The following GPHN variants were observed in gnomAD, a reference collection of about 807,000 sequenced individuals.
The protein encoded by GPHN is gephyrin.
In GPHN, 17 loss-of-function variants were observed where a neutral mutation model predicts 95.5. The ratio of observed to expected loss-of-function variants is 0.18; its 90% CI spans 0.12 to 0.27. The LOEUF is 0.27. Ranked by LOEUF, GPHN falls within the 10% of genes least tolerant of loss-of-function variation. The pLI, the probability that GPHN is intolerant of heterozygous loss-of-function variation, is 1.00. For synonymous variants in GPHN, 320 were observed against 322.5 expected (o/e 0.99, Z 0.08); for missense variants, 660 against 978.1 (o/e 0.67, Z 4.34).
intron 2 of GPHN, among the ~76,000 whole-genome samples, chr14:66,708,646 A>T (rs1180019260): frequency 6.6e-6 from 1 of 152,160 alleles, no homozygotes; most frequent in Non-Finnish European, 1.5e-5. Flanking sequence ...CTAGAGCAGT[A>T]ATTTACTGAG....
chr14:67,305,124 T>A, the GPHN span, among the ~76,000 whole-genome samples: 5 of 152,334 alleles, frequency 3.3e-5, no homozygotes, highest in South Asian at 1.0e-3. Context: ...GTTCCCTGTA[T>A]CTCTTCTGTG....
chr14:67,480,852 A>G, the GPHN span, among the ~76,000 whole-genome samples: 4 of 152,176 alleles, frequency 2.6e-5, no homozygotes, highest in Admixed American at 1.3e-4. Context: ...CCGGTTTCCC[A>G]GCTGGTAACA....
chr14:67,630,740 A>T, the GPHN span, among the ~76,000 whole-genome samples: 1 of 152,116 alleles, frequency 6.6e-6, no homozygotes, highest in East Asian at 1.9e-4. Context: ...CACTGTGCCC[A>T]GCTAATTTTT....
At chr14:67,409,036 G>A in the GPHN span, among the ~76,000 whole-genome samples, 3 of 149,624 alleles carry the variant, frequency 2.0e-5, no homozygotes, top group Non-Finnish European at 3.0e-5. Flanking sequence ...GCAACATGGT[G>A]AGACATTGTC....
At chr14:67,601,081 T>C in the GPHN span, among the ~76,000 whole-genome samples, 1 of 152,072 alleles carries the variant, frequency 6.6e-6, no homozygotes, top group East Asian at 1.9e-4. Flanking sequence ...GGAGACAATA[T>C]GGAAATAAGA....
intron 8 of GPHN, among the ~76,000 whole-genome samples, chr14:66,928,423 C>G (rs77921603): frequency 0.049 from 7,439 of 152,036 alleles, 847 homozygotes; most frequent in East Asian, 0.42. Context: ...CTCTTTTCTT[C>G]TTTGGCTAAA....
At chr14:67,108,517 C>A (rs575742301) in intron 13 of GPHN, among the ~76,000 whole-genome samples, 1 of 152,156 alleles carries the variant, frequency 6.6e-6, no homozygotes, top group Non-Finnish European at 1.5e-5. Context: ...GGCTTATATT[C>A]TGTAATATAT....
the GPHN span, among the ~76,000 whole-genome samples, chr14:67,606,631 T>C: frequency 6.6e-6 from 1 of 152,244 alleles, no homozygotes; most frequent in Admixed American, 6.5e-5. Context: ...CCCTGGTTTT[T>C]GTTGTTGTTG....
At chr14:67,578,462 T>A in the GPHN span, 3 of 1,103,446 alleles carry the variant, frequency 2.7e-6, no homozygotes, top group African/African-American at 3.1e-5. The surrounding 1 kb of genome is among the most constrained non-coding windows in gnomAD (Gnocchi z 5.0). Context: ...GAAGGCTCTG[T>A]AGCTCAGGGC....
At chr14:67,474,910 CCTT>C in the GPHN span, among the ~76,000 whole-genome samples, 1 of 139,014 alleles carries the variant, frequency 7.2e-6, no homozygotes, top group Non-Finnish European at 1.5e-5. Context: ...GTCAGAATTT[CCTT>C]CTTTTTTTTT....
In GPHN at chr14:67,023,659, G is replaced by A. The variant is rs1300734190; in HGVS notation, c.990G>A (p.Glu330=). The change falls in exon 10 of 23, where the codon GAG becomes GAA. Residue 330 remains glutamate, a synonymous_variant. Coordinates refer to ENST00000478722, the MANE Select transcript of GPHN (RefSeq NM_020806.5). ...TCCAGTCCAGGTGCAGCAGCAAGGAGAACATTCTCAGAGCCAGTAAGTATT... is the reference window on the plus strand; with the variant it reads ...TCCAGTCCAGGTGCAGCAGCAAGGAAAACATTCTCAGAGCCAGTAAGTATT... The part of the protein sequence containing the change: ...PKVQSRCSSK[E]NILRASHSAV... 1 of 1,613,230 alleles carries A rather than the reference G, an allele frequency of 6.2e-7. No homozygotes were observed. The highest frequency in any genetic ancestry group is 2.2e-5 in the East Asian group (1 of 44,876).
intron 9 of GPHN, among the ~76,000 whole-genome samples, chr14:66,988,172 G>T (rs145997871): frequency 0.019 from 2,916 of 151,962 alleles, 38 homozygotes; most frequent in Middle Eastern, 0.034. Context: ...ATGAAATAAA[G>T]ATTAAATTAG....
chr14:66,949,346 C>T (rs1165120029), intron 8 of GPHN, among the ~76,000 whole-genome samples: 1 of 152,138 alleles, frequency 6.6e-6, no homozygotes, highest in Non-Finnish European at 1.5e-5. Flanking sequence ...GATCTGCCTG[C>T]CTTGACCTCC....
chr14:67,504,213 T>C, the GPHN span, among the ~76,000 whole-genome samples: 1 of 151,574 alleles, frequency 6.6e-6, no homozygotes, highest in Admixed American at 6.6e-5. Flanking sequence ...GAGGTTTCAC[T>C]GTGTTGGCCA....
chr14:67,317,278 C>T, the GPHN span: 5 of 734,512 alleles, frequency 6.8e-6, no homozygotes, highest in African/African-American at 3.7e-5. Flanking sequence ...GCGTGGCCAA[C>T]ATATGGAGAT....
the GPHN span, among the ~76,000 whole-genome samples, chr14:67,728,421 T>A: frequency 6.6e-6 from 1 of 152,146 alleles, no homozygotes; most frequent in African/African-American, 2.4e-5. Context: ...CCAAGGAAGG[T>A]TCCTAGCTGA....
intron 1 of GPHN, among the ~76,000 whole-genome samples, chr14:66,675,494 A>G (rs2066536422): frequency 6.6e-6 from 1 of 152,070 alleles, no homozygotes; most frequent in Admixed American, 6.6e-5. Context: ...TGAGTTCCAT[A>G]TATATTCTGG....
At chr14:67,645,297 C>T in the GPHN span, among the ~76,000 whole-genome samples, 7 of 151,958 alleles carry the variant, frequency 4.6e-5, no homozygotes, top group Non-Finnish European at 8.8e-5. Flanking sequence ...TACAGGTGTA[C>T]ACCATCTTGT....
intron 3 of GPHN, among the ~76,000 whole-genome samples, chr14:66,787,441 AC>A (rs1284765205): frequency 6.6e-6 from 1 of 152,182 alleles, no homozygotes; most frequent in Non-Finnish European, 1.5e-5. Context: ...TTAATGCTAT[AC>A]CCTGGCAAGT....
Sources: gnomAD v4.1 joint callset for allele counts (sites outside exome capture counted in the v4.1 genomes callset) on GRCh38, gnomAD v4.1.1 for gene constraint, Gnocchi (gnomAD v3.1) non-coding constraint, MANE v1.5 for transcripts, NCBI Gene and HGNC (gene_info 2026-07-23, HGNC 2026-07-21) for gene names.